BMPR1A: variants seen among roughly 807,000 people sequenced by gnomAD.
BMPR1A encodes bone morphogenetic protein receptor type 1A.
Under a neutral mutation model 66.0 loss-of-function variants are expected in BMPR1A, and 7 were observed. The ratio of observed to expected loss-of-function variants is 0.11; its 90% CI spans 0.06 to 0.20. The LOEUF (loss-of-function observed/expected upper bound fraction) is 0.20, where lower values mean the gene tolerates loss of function less well. BMPR1A is among the 10% of genes least tolerant of loss of function. The pLI, the probability that BMPR1A is intolerant of heterozygous loss-of-function variation, is 1.00. For synonymous variants in BMPR1A, 200 were observed against 229.7 expected, an observed-to-expected ratio of 0.87 and a Z score of 1.17; for missense variants, 408 against 669.1, an observed-to-expected ratio of 0.61 and a Z score of 4.31.
intron 3 of BMPR1A, among the ~76,000 whole-genome samples, chr10:86,881,095 T>C (rs1189868773): frequency 6.6e-6 from 1 of 151,820 alleles, no homozygotes; most frequent in African/African-American, 2.4e-5. Flanking sequence ...AAAAAAAAAT[T>C]TTAATTAGCT....
chr10:86,766,807 A>G (rs888815599), intron 1 of BMPR1A, among the ~76,000 whole-genome samples: 2 of 144,712 alleles, frequency 1.4e-5, no homozygotes, highest in African/African-American at 2.6e-5. Context: ...ACGGGGTTTC[A>G]CCGTGTTAGC....
Position 86,812,695 on chromosome 10 carries a change from C to T in BMPR1A, c.-267-26170C>T, listed in dbSNP as rs73348035. Among the ~76,000 whole-genome samples, 745 of 152,212 alleles carry T rather than the reference C, an allele frequency of 4.9e-3. 5 individuals are homozygous for T. The highest frequency in any genetic ancestry group is 0.017 in the African/African-American group (702 of 41,524). On this transcript the variant is annotated intron_variant, in intron 1 of 12. Transcript: ENST00000372037. ...GGTTCACAGCAAAATTGAAGAAGTA[C>T]GAAGAGTTCCCATATCCCCCCAATC...
chr10:86,828,976 G>A (rs1264895150), intron 1 of BMPR1A, among the ~76,000 whole-genome samples: 1 of 152,126 alleles, frequency 6.6e-6, no homozygotes, highest in African/African-American at 2.4e-5. Context: ...ATAGAGCTGG[G>A]TGATTTTCTG....
chr10:86,782,737 T>G (rs958928135), intron 1 of BMPR1A, among the ~76,000 whole-genome samples: 1 of 152,118 alleles, frequency 6.6e-6, no homozygotes, highest in Non-Finnish European at 1.5e-5. Flanking sequence ...GAGTTTTTTT[T>G]TTATTCTGGA....
At chr10:86,799,377 A>G (rs922941209) in intron 1 of BMPR1A, among the ~76,000 whole-genome samples, 1 of 152,172 alleles carries the variant, frequency 6.6e-6, no homozygotes, top group East Asian at 1.9e-4. Flanking sequence ...AATGCTTAGT[A>G]ATGTGCTGGG....
At chr10:86,805,847 C>G (rs1841882522) in intron 1 of BMPR1A, among the ~76,000 whole-genome samples, 1 of 150,664 alleles carries the variant, frequency 6.6e-6, no homozygotes, top group African/African-American at 2.4e-5. Flanking sequence ...TGAGGCGGCA[C>G]TTTGATCTGC....
intron 1 of BMPR1A, among the ~76,000 whole-genome samples, chr10:86,833,367 G>C (rs553684430): frequency 6.6e-6 from 1 of 152,144 alleles, no homozygotes; most frequent in Non-Finnish European, 1.5e-5. Context: ...ATGAATAGAG[G>C]TAAGAATGGA....
intron 1 of BMPR1A, among the ~76,000 whole-genome samples, chr10:86,768,238 A>C (rs1841198740): frequency 6.6e-6 from 1 of 152,178 alleles, no homozygotes; most frequent in South Asian, 2.1e-4. Context: ...TAATAAAGTA[A>C]CGTTTTTCTA....
At chr10:86,867,496 A>C (rs763755101) in intron 2 of BMPR1A, among the ~76,000 whole-genome samples, 6 of 152,226 alleles carry the variant, frequency 3.9e-5, no homozygotes, top group Admixed American at 1.3e-4. Context: ...AGTGACACCT[A>C]GGTCTCTTAA....
chr10:86,931,313 A>ATATATATTT (rs368438719), downstream of BMPR1A: 1 of 133,042 alleles, frequency 7.5e-6, no homozygotes, highest in African/African-American at 3.1e-5. Flanking sequence ...ATATATATAT[A>ATATATATTT]TTCAAGCAAT....
intron 1 of BMPR1A, among the ~76,000 whole-genome samples, chr10:86,781,661 C>T (rs1411059837): frequency 6.6e-6 from 1 of 152,006 alleles, no homozygotes; most frequent in Admixed American, 6.6e-5. Flanking sequence ...TACTTTAGAG[C>T]AACTCCCTAT....
chr10:86,811,614 C>T (rs928487828), intron 1 of BMPR1A, among the ~76,000 whole-genome samples: 7 of 152,140 alleles, frequency 4.6e-5, no homozygotes, highest in African/African-American at 1.2e-4. Flanking sequence ...GAGGTGTGAT[C>T]AGATTCTGAT....
intron 1 of BMPR1A, among the ~76,000 whole-genome samples, chr10:86,778,115 A>G (rs1841381822): frequency 6.6e-6 from 1 of 152,116 alleles, no homozygotes; most frequent in Non-Finnish European, 1.5e-5. Context: ...TGATACATAT[A>G]ATGCATGACA....
At chr10:86,781,483 C>T (rs1841436167) in intron 1 of BMPR1A, among the ~76,000 whole-genome samples, 1 of 152,120 alleles carries the variant, frequency 6.6e-6, no homozygotes, top group South Asian at 2.1e-4. Context: ...CAACTTTTTG[C>T]TCAGGGTTGC....
chr10:86,786,231 C>T (rs1841514188), intron 1 of BMPR1A, among the ~76,000 whole-genome samples: 1 of 152,198 alleles, frequency 6.6e-6, no homozygotes, highest in Non-Finnish European at 1.5e-5. Context: ...CAACAACATA[C>T]TGTTGTTTCT....
chr10:86,794,381 T>C (rs1456598749), intron 1 of BMPR1A, among the ~76,000 whole-genome samples: 3 of 152,182 alleles, frequency 2.0e-5, no homozygotes, highest in South Asian at 2.1e-4. Context: ...GAAATCAAGA[T>C]AGTAATGCTT....
At chr10:86,884,675 A>G (rs1843045690) in intron 3 of BMPR1A, among the ~76,000 whole-genome samples, 1 of 150,770 alleles carries the variant, frequency 6.6e-6, no homozygotes, top group Non-Finnish European at 1.5e-5. Flanking sequence ...TCGGCCTCCC[A>G]AGGTGCTGGG....
At position 86,882,759 on chromosome 10, in the gene BMPR1A, G is replaced by A. The variant is rs1011467493; in HGVS notation, c.67+6674G>A. ...ACGGGCGGATCACCTGAGGTCAGGA[G>A]TTCGAGACCAGCCTGGCCAACATGG... On this transcript the variant is annotated intron_variant, in intron 3 of 12. Coordinates refer to ENST00000372037, the MANE Select transcript of BMPR1A (RefSeq NM_004329.3). Among the ~76,000 whole-genome samples the A allele has an allele frequency of 4.6e-5, 7 of 151,654 alleles. 1 individual carries two copies. The highest frequency in any genetic ancestry group is 2.9e-5 in the Non-Finnish European group (2 of 67,980).
At chr10:86,795,715 C>T (rs1321941195) in intron 1 of BMPR1A, among the ~76,000 whole-genome samples, 1 of 152,096 alleles carries the variant, frequency 6.6e-6, no homozygotes, top group Non-Finnish European at 1.5e-5. Context: ...AACTTAAATA[C>T]TCTTAAAAGT....
Sources: allele counts gnomAD v4.1 joint callset (sites outside exome capture counted in the v4.1 genomes callset), GRCh38; gene constraint gnomAD v4.1.1; transcripts MANE v1.5; gene names NCBI Gene and HGNC (gene_info 2026-07-23, HGNC 2026-07-21).